Variants in EFR3B observed in about 807,000 individuals in gnomAD.
The protein encoded by EFR3B is EFR3 homolog B.
Under a neutral mutation model 104.7 loss-of-function variants are expected in EFR3B, and 64 were observed. The observed-to-expected ratio is 0.61, with a 90% CI of 0.50 to 0.75. The LOEUF is 0.75. Ranked by LOEUF, EFR3B falls within the 30% of genes least tolerant of loss-of-function variation. The pLI is 0.00. For synonymous variants in EFR3B, 385 were observed against 417.9 expected (o/e 0.92, Z 0.96); for missense variants, 750 against 1,078.5 (o/e 0.70, Z 4.27).
intron 1 of EFR3B, chr2:25,081,713 G>T: frequency 2.0e-6 from 1 of 499,290 alleles, no homozygotes; most frequent in East Asian, 3.1e-5. Context: ...CCATTCCCTT[G>T]GTACCGCCTG....
intron 18 of EFR3B, 65 bp downstream of exon 18, chr2:25,143,927 AGCATAAGGG>A: frequency 6.6e-7 from 1 of 1,515,884 alleles, no homozygotes; most frequent in Non-Finnish European, 8.9e-7. Context: ...TAAGGGCCTG[AGCATAAGGG>A]ACTTATAGCC....
At chr2:25,108,937 C>A (rs1461155609) in intron 4 of EFR3B, among the ~76,000 whole-genome samples, 1 of 151,742 alleles carries the variant, frequency 6.6e-6, no homozygotes, top group South Asian at 2.1e-4. Context: ...ACCCAGGAGG[C>A]GAAGGTTGCA....
intron 1 of EFR3B, chr2:25,079,826 A>AG: frequency 1.2e-6 from 1 of 804,632 alleles, no homozygotes; most frequent in Non-Finnish European, 2.2e-6. Flanking sequence ...ACCAAAAAGA[A>AG]CAATAACACA....
intron 1 of EFR3B, among the ~76,000 whole-genome samples, chr2:25,070,107 A>T (rs1668453834): frequency 6.6e-6 from 1 of 152,176 alleles, no homozygotes; most frequent in South Asian, 2.1e-4. Flanking sequence ...GACATGGCAC[A>T]CTGGTGGGTG....
chr2:25,129,937 G>T, intron 6 of EFR3B, 38 bp from the exon 7 acceptor site: 1 of 1,548,388 alleles, frequency 6.5e-7, no homozygotes, highest in Non-Finnish European at 8.7e-7. Context: ...ACCCCAGCCT[G>T]CATGCCACCC....
intron 4 of EFR3B, among the ~76,000 whole-genome samples, chr2:25,108,303 A>C (rs563590): frequency 1.3e-5 from 2 of 151,940 alleles, no homozygotes. Flanking sequence ...GTCCAGATGC[A>C]TGTCTTGGGT....
At chr2:25,116,955 A>T (rs950699805) in intron 4 of EFR3B, among the ~76,000 whole-genome samples, 4 of 152,226 alleles carry the variant, frequency 2.6e-5, no homozygotes, top group Non-Finnish European at 2.9e-5. Flanking sequence ...AATGATTGAA[A>T]TATTTAACAG....
intron 1 of EFR3B, chr2:25,080,282 G>GTTTTTT: frequency 5.6e-6 from 1 of 177,024 alleles, no homozygotes; most frequent in South Asian, 6.1e-5. Context: ...CCTCCCCAAA[G>GTTTTTT]CTTTTTTTTT....
chr2:25,087,266 C>T (rs1390259216), intron 1 of EFR3B, among the ~76,000 whole-genome samples: 2 of 151,764 alleles, frequency 1.3e-5, no homozygotes, highest in East Asian at 1.9e-4. Flanking sequence ...ATGAGAACTA[C>T]GATTCAAGAT....
chr2:25,105,229 T>G (rs1473899485), intron 4 of EFR3B, among the ~76,000 whole-genome samples: 1 of 152,206 alleles, frequency 6.6e-6, no homozygotes, highest in Non-Finnish European at 1.5e-5. Flanking sequence ...CTCGGCTCAC[T>G]GCAACCTCCG....
At position 25,156,928 on chromosome 2, in the gene EFR3B, T is replaced by C. The variant is rs563945097; in HGVS notation, c.*2588T>C. The C allele has an allele frequency of 2.2e-4, 33 of 152,282 alleles. No individual in the cohort carries two copies. Among genetic ancestry groups the C allele is most frequent in the African/African-American group, 7.5e-4 (31 of 41,572 alleles). The allele number at this position is 152,282 out of a possible 1,614,324, so 9.4% of individuals were successfully genotyped here. The stretch of plus-strand genomic sequence containing the variant: ...ACTGTTTCTTGTGCCTACTTAACAT[T>C]AGGGTTCCCCGTGGCAGCTTCATCC... On this transcript the variant is annotated 3_prime_UTR_variant, in exon 23 of 23. Transcript: ENST00000403714.
intron 3 of EFR3B, among the ~76,000 whole-genome samples, chr2:25,099,522 C>T (rs537993620): frequency 4.0e-5 from 6 of 150,586 alleles, no homozygotes; most frequent in African/African-American, 7.3e-5. Context: ...AAAGTTGACG[C>T]GGCTATTCTA....
At chr2:25,104,325 T>C (rs1669505776) in intron 4 of EFR3B, among the ~76,000 whole-genome samples, 1 of 152,130 alleles carries the variant, frequency 6.6e-6, no homozygotes, top group Non-Finnish European at 1.5e-5. Context: ...GTCGAGATCA[T>C]GCCACTGCAC....
At chr2:25,126,659 C>T (rs961940000) in intron 5 of EFR3B, among the ~76,000 whole-genome samples, 46 of 151,898 alleles carry the variant, frequency 3.0e-4, no homozygotes, top group Admixed American at 2.7e-3. Flanking sequence ...CGCGCCCGGC[C>T]TAATGTTTTA....
chr2:25,058,311 A>G (rs1668079667), intron 1 of EFR3B: 1 of 152,186 alleles, frequency 6.6e-6, no homozygotes, highest in African/African-American at 2.4e-5. Context: ...CCTGGGCAAC[A>G]TCGTGAGACC....
intron 5 of EFR3B, among the ~76,000 whole-genome samples, chr2:25,123,180 T>C (rs936522121): frequency 3.3e-5 from 5 of 151,582 alleles, no homozygotes; most frequent in African/African-American, 1.2e-4. Context: ...CTGGGCAACA[T>C]AATGAGACCC....
intron 5 of EFR3B, among the ~76,000 whole-genome samples, chr2:25,125,616 C>T (rs539234158): frequency 3.3e-5 from 5 of 152,110 alleles, no homozygotes; most frequent in Admixed American, 1.3e-4. Context: ...CACAGTTCCT[C>T]GGTAAGACCC....
In EFR3B at chr2:25,137,568, C is replaced by T; in HGVS notation, c.1722+66C>T. 6.5e-7 allele frequency: 1 copy of T among 1,543,724 alleles called. No individual in the cohort carries two copies. Among genetic ancestry groups the T allele is most frequent in the Non-Finnish European group, 8.8e-7 (1 of 1,141,818 alleles). On this transcript the variant is annotated intron_variant, in intron 15 of 22. Coordinates refer to ENST00000403714, the MANE Select transcript of EFR3B (RefSeq NM_014971.2). The surrounding 1 kb of genome is among the most constrained non-coding windows in gnomAD (Gnocchi z 4.7). Reference sequence around the variant, plus strand: ...GGGAGGGACTTGTTTTGGGCAAGCCCTGATAAGAGTATTGACTAGCAACTG... The same window carrying T: ...GGGAGGGACTTGTTTTGGGCAAGCCTTGATAAGAGTATTGACTAGCAACTG...
chr2:25,116,194 A>T (rs1669854488), intron 4 of EFR3B: 1 of 152,222 alleles, frequency 6.6e-6, no homozygotes. Context: ...AAAAAGTCTA[A>T]GCCTCTTAGA....
Sources: allele counts gnomAD v4.1 joint callset (sites outside exome capture counted in the v4.1 genomes callset), GRCh38; gene constraint gnomAD v4.1.1; non-coding constraint Gnocchi (gnomAD v3.1); transcripts MANE v1.5; gene names NCBI Gene and HGNC (gene_info 2026-07-23, HGNC 2026-07-21).